PDE10A: variants seen among roughly 807,000 people sequenced by gnomAD.
PDE10A encodes cAMP and cAMP-inhibited cGMP 3',5'-cyclic phosphodiesterase 10A.
PDE10A carries 39 observed loss-of-function variants against 97.7 expected under a neutral mutation model. The observed-to-expected ratio is 0.40, with a 90% CI of 0.31 to 0.52. The LOEUF is 0.52. Ranked by LOEUF, PDE10A falls within the 20% of genes least tolerant of loss-of-function variation. The probability of loss-of-function intolerance (pLI) is 0.56; values close to 1 mark genes in which losing one functional copy is unlikely to be tolerated. For synonymous variants in PDE10A, 371 were observed against 376.8 expected, an observed-to-expected ratio of 0.98 and a Z score of 0.18; for missense variants, 731 against 1,047.8, an observed-to-expected ratio of 0.70 and a Z score of 4.17.
intron 1 of PDE10A, among the ~76,000 whole-genome samples, chr6:165,578,064 T>C (rs1321429239): frequency 6.6e-6 from 1 of 152,130 alleles, no homozygotes; most frequent in African/African-American, 2.4e-5. Context: ...TTGAGCTCAG[T>C]ACAAGCAGGA....
rs140372403 is a variant in PDE10A at position 165,787,014 on chromosome 6, T to C, written c.-615+200515A>G. Among the ~76,000 whole-genome samples the C allele has an allele frequency of 4.0e-3, 611 of 152,290 alleles. 7 individuals carry two copies. The highest frequency in any genetic ancestry group is 0.014 in the African/African-American group (581 of 41,562). ...AGTATAAGTGAGTAATTAAATATAT[T>C]CTTTAGCGGCAAATTATTCTCAGTG... On this transcript the variant is annotated intron_variant, in intron 1 of 19. Coordinates refer to the PDE10A transcript ENST00000366882.
chr6:165,486,099 C>T (rs902482553), intron 2 of PDE10A, among the ~76,000 whole-genome samples: 1 of 152,158 alleles, frequency 6.6e-6, no homozygotes, highest in Non-Finnish European at 1.5e-5. Context: ...TGAGACACAA[C>T]TGTAAAAGGG....
At chr6:165,602,926 C>G (rs1241082044) in intron 1 of PDE10A, among the ~76,000 whole-genome samples, 1 of 152,162 alleles carries the variant, frequency 6.6e-6, no homozygotes, top group African/African-American at 2.4e-5. Context: ...CTATGCTAGA[C>G]AGACTACATA....
intron 1 of PDE10A, among the ~76,000 whole-genome samples, chr6:165,589,989 C>T (rs1036545115): frequency 1.1e-4 from 17 of 152,090 alleles, no homozygotes; most frequent in South Asian, 4.1e-4. Context: ...AATATGCATA[C>T]TATATTATTT....
At chr6:165,854,023 G>A (rs1449623126) in intron 1 of PDE10A, among the ~76,000 whole-genome samples, 1 of 152,196 alleles carries the variant, frequency 6.6e-6, no homozygotes, top group African/African-American at 2.4e-5. Context: ...AGCCAAGGCC[G>A]TGATGCGGGG....
At chr6:165,719,071 T>C (rs1231136097) in intron 1 of PDE10A, among the ~76,000 whole-genome samples, 1 of 151,966 alleles carries the variant, frequency 6.6e-6, no homozygotes, top group East Asian at 1.9e-4. Context: ...TAGTTGGAAG[T>C]ATAAAATTGA....
At chr6:165,638,391 A>G (rs944086101) in intron 1 of PDE10A, among the ~76,000 whole-genome samples, 3 of 148,924 alleles carry the variant, frequency 2.0e-5, no homozygotes, top group Non-Finnish European at 3.0e-5. Flanking sequence ...CAAGAGACAG[A>G]GAGAGAGGGT....
At chr6:165,735,549 A>T (rs1372389991) in intron 1 of PDE10A, among the ~76,000 whole-genome samples, 1 of 152,086 alleles carries the variant, frequency 6.6e-6, no homozygotes, top group East Asian at 1.9e-4. Flanking sequence ...CAAGTTCAAG[A>T]TCTATAGAAA....
intron 13 of PDE10A, among the ~76,000 whole-genome samples, chr6:165,410,517 G>C (rs1262844744): frequency 6.6e-6 from 1 of 152,066 alleles, no homozygotes; most frequent in African/African-American, 2.4e-5. Flanking sequence ...TATTAGACTG[G>C]AGGTTAGGTA....
chr6:165,556,841 A>T (rs1258587611), intron 1 of PDE10A, among the ~76,000 whole-genome samples: 1 of 146,966 alleles, frequency 6.8e-6, no homozygotes, highest in Admixed American at 6.8e-5. Context: ...AATCTTAAAT[A>T]AAAAAAAAAA....
chr6:165,352,576 A>G (rs1468824132), intron 18 of PDE10A, among the ~76,000 whole-genome samples: 3 of 152,186 alleles, frequency 2.0e-5, no homozygotes, highest in Non-Finnish European at 2.9e-5. Flanking sequence ...CCAAGCTCAT[A>G]AACAACAAGC....
At chr6:165,650,603 A>G (rs1789634034) in intron 1 of PDE10A, among the ~76,000 whole-genome samples, 1 of 152,166 alleles carries the variant, frequency 6.6e-6, no homozygotes, top group Non-Finnish European at 1.5e-5. Context: ...TATTTAACCA[A>G]GCGCCCACTC....
In PDE10A at chr6:165,591,673, T is replaced by C. The variant is rs9347082; in HGVS notation, c.866-48105A>G. Among the ~76,000 whole-genome samples the C allele has an allele frequency of 0.018, 2,795 of 152,312 alleles. 244 individuals carry two copies. In the East Asian group the frequency reaches 0.3, roughly 16 times the overall value. ...AGAGCTTAAACAACTCTTCAAAACA[T>C]GTGTGTTGTTTTTTGCTTTTTTGTT... On this transcript the variant is annotated intron_variant, in intron 1 of 21. Transcript: ENST00000539869.
At chr6:165,875,422 T>C (rs1392756765) in intron 1 of PDE10A, among the ~76,000 whole-genome samples, 1 of 152,250 alleles carries the variant, frequency 6.6e-6, no homozygotes, top group Non-Finnish European at 1.5e-5. Flanking sequence ...TTTTTATTGC[T>C]GCCCAGCTTT....
At chr6:165,745,474 G>T (rs1412694932) in intron 1 of PDE10A, among the ~76,000 whole-genome samples, 1 of 152,082 alleles carries the variant, frequency 6.6e-6, no homozygotes, top group African/African-American at 2.4e-5. Flanking sequence ...CTTTCAGAAT[G>T]AATTAAAAAT....
chr6:165,794,511 C>T (rs1347666449), intron 1 of PDE10A, among the ~76,000 whole-genome samples: 1 of 151,830 alleles, frequency 6.6e-6, no homozygotes, highest in Non-Finnish European at 1.5e-5. Context: ...CACATGCTCA[C>T]TCATACACTC....
At chr6:165,755,798 C>T (rs76263783) in intron 1 of PDE10A, among the ~76,000 whole-genome samples, 3,621 of 152,286 alleles carry the variant, frequency 0.024, 62 homozygotes, top group Middle Eastern at 0.068. Context: ...TCCCCACTCC[C>T]GGAGTCACAC....
Position 165,413,637 on chromosome 6 carries a change from G to T in PDE10A, c.1940C>A (p.Pro647His), listed in dbSNP as rs1207765419. ...TATCACGCTGCCTCGGCTGACGATG[G>T]GCATGCACAGGATGTTCCGCGTGGT... ...GYTTRNILCM[P>H]IVSRGSVIGV... Residue 647 changes from proline to histidine, a missense_variant, in exon 13 of 22, where the codon CCC becomes CAC. Pro to His is a moderately conservative substitution (Grantham distance 77, BLOSUM62 -2). Coordinates refer to ENST00000539869, the MANE Select transcript of PDE10A (RefSeq NM_001385079.1). 6.2e-7 allele frequency: 1 copy of T among 1,613,968 alleles called. No individual in the cohort carries two copies. The highest frequency in any genetic ancestry group is 8.5e-7 in the Non-Finnish European group (1 of 1,180,026).
At chr6:165,575,229 C>T (rs570766882) in intron 1 of PDE10A, among the ~76,000 whole-genome samples, 1 of 152,272 alleles carries the variant, frequency 6.6e-6, no homozygotes, top group South Asian at 2.1e-4. Flanking sequence ...AGTTTTGTGA[C>T]CTGCATTTCT....
Sources: gnomAD v4.1 joint callset for allele counts (sites outside exome capture counted in the v4.1 genomes callset) on GRCh38, gnomAD v4.1.1 for gene constraint, MANE v1.5 for transcripts, NCBI Gene and HGNC (gene_info 2026-07-23, HGNC 2026-07-21) for gene names.